The following EYS variants were observed in gnomAD, a reference collection of about 807,000 sequenced individuals.
EYS encodes protein eyes shut homolog.
In EYS, 250 loss-of-function variants were observed where a neutral mutation model predicts 282.1. The observed-to-expected ratio is 0.89, with a 90% confidence interval of 0.80 to 0.98. The LOEUF is 0.98. Ranked by LOEUF, EYS falls within the 50% of genes least tolerant of loss-of-function variation. The probability of loss-of-function intolerance (pLI) is 0.00; values close to 1 mark genes in which losing one functional copy is unlikely to be tolerated. For synonymous variants in EYS, 1,355 were observed against 1,282.9 expected (o/e 1.06, Z -1.20); for missense variants, 4,016 against 3,709.0 (o/e 1.08, Z -2.15).
At chr6:65,528,013 T>A (rs1767633860) in intron 2 of EYS, among the ~76,000 whole-genome samples, 2 of 152,202 alleles carry the variant, frequency 1.3e-5, no homozygotes, top group African/African-American at 4.8e-5. Context: ...ATTAACTGAA[T>A]GGCTGAAAGT....
intron 29 of EYS, among the ~76,000 whole-genome samples, chr6:64,315,819 T>C (rs1382766200): frequency 6.6e-6 from 1 of 151,182 alleles, no homozygotes; most frequent in Non-Finnish European, 1.5e-5. Context: ...AAACCCTCAA[T>C]AAAATGCTGG....
intron 12 of EYS, among the ~76,000 whole-genome samples, chr6:65,271,148 A>ATATATATATATATATATATG (rs1229715204): frequency 7.3e-6 from 1 of 137,026 alleles, no homozygotes; most frequent in East Asian, 2.2e-4. Context: ...ATATATATAT[A>ATATATATATATATATATATG]TATATGAAGA....
intron 12 of EYS, among the ~76,000 whole-genome samples, chr6:65,154,297 A>C (rs1452059588): frequency 5.9e-5 from 9 of 151,904 alleles, no homozygotes; most frequent in African/African-American, 2.2e-4. Context: ...AAAAGTAGAA[A>C]AAATTTCAAA....
chr6:64,993,110 T>C (rs1359088971), intron 14 of EYS, among the ~76,000 whole-genome samples: 1 of 152,072 alleles, frequency 6.6e-6, no homozygotes, highest in African/African-American at 2.4e-5. Flanking sequence ...GCAAAGGCTG[T>C]TCCCCATTAA....
At position 64,091,617 on chromosome 6, in the gene EYS, C is replaced by T. The variant is rs761026799; in HGVS notation, c.6425-9615G>A. Among the ~76,000 whole-genome samples, 6 of 152,240 alleles carry T rather than the reference C, an allele frequency of 3.9e-5. No individual in the cohort carries two copies. The South Asian group carries it at 1.2e-3, about 32-fold the overall frequency. ...TACGTTGATGGTCCCCAGACTTGTT[C>T]CCATCATGGCTGGGTGGATCAGGCA... On this transcript the variant is annotated intron_variant, in intron 31 of 42. Transcript: ENST00000503581.
chr6:65,474,398 C>T (rs1241477957), intron 5 of EYS, among the ~76,000 whole-genome samples: 1 of 152,036 alleles, frequency 6.6e-6, no homozygotes, highest in Non-Finnish European at 1.5e-5. Context: ...TCTTACAGAC[C>T]TTTCTCTACC....
At chr6:65,545,209 C>T (rs1050873299) in intron 2 of EYS, among the ~76,000 whole-genome samples, 4 of 149,820 alleles carry the variant, frequency 2.7e-5, no homozygotes, top group South Asian at 2.1e-4. Context: ...AGGTGCGAGC[C>T]ACTGTTCCTG....
chr6:64,486,816 T>C (rs1451746463), intron 26 of EYS, among the ~76,000 whole-genome samples: 3 of 151,448 alleles, frequency 2.0e-5, no homozygotes, highest in African/African-American at 7.2e-5. Flanking sequence ...GGAAGGCTTT[T>C]AAGAGAGATA....
chr6:65,689,178 G>T lies in EYS; in HGVS notation c.-448+17957C>A, dbSNP rs1769144004. Among the ~76,000 whole-genome samples the T allele has an allele frequency of 1.3e-5, 2 of 149,908 alleles. 1 individual carries two copies. Among genetic ancestry groups the T allele is most frequent in the African/African-American group, 4.9e-5 (2 of 41,068 alleles). On this transcript the variant is annotated intron_variant, in intron 1 of 42. Transcript: ENST00000503581. ...AGAAAATGTGGTACATATTCACCAT[G>T]GAATACTATGCAGCCATAAAAAAGG...
At chr6:64,396,353 G>A (rs1359948955) in intron 28 of EYS, among the ~76,000 whole-genome samples, 1 of 152,030 alleles carries the variant, frequency 6.6e-6, no homozygotes, top group African/African-American at 2.4e-5. Context: ...TCTATGTTCA[G>A]TATATGTGCT....
At chr6:65,153,585 A>G (rs1764667746) in intron 12 of EYS, among the ~76,000 whole-genome samples, 1 of 151,696 alleles carries the variant, frequency 6.6e-6, no homozygotes, top group African/African-American at 2.4e-5. Flanking sequence ...TTTCTTATAA[A>G]CGTTATGCTC....
chr6:64,214,532 C>T (rs1264646486), intron 31 of EYS, among the ~76,000 whole-genome samples: 3 of 152,010 alleles, frequency 2.0e-5, no homozygotes, highest in African/African-American at 7.2e-5. Context: ...GAAATATATG[C>T]AATTATTCAT....
chr6:64,374,690 G>GT (rs1419515808), intron 29 of EYS, among the ~76,000 whole-genome samples: 1 of 152,074 alleles, frequency 6.6e-6, no homozygotes, highest in Admixed American at 6.6e-5. Flanking sequence ...TTTCCTCTAC[G>GT]TGAGAGTGGC....
intron 31 of EYS, among the ~76,000 whole-genome samples, chr6:64,214,699 T>C (rs1361142619): frequency 6.6e-6 from 1 of 152,008 alleles, no homozygotes; most frequent in East Asian, 1.9e-4. Context: ...GACTAAATAT[T>C]ATATATAATA....
At chr6:63,948,445 T>A (rs998771296) in intron 35 of EYS, among the ~76,000 whole-genome samples, 4 of 152,220 alleles carry the variant, frequency 2.6e-5, no homozygotes, top group Admixed American at 2.0e-4. Context: ...CTTTACAATG[T>A]CAGCTGCACT....
At chr6:65,471,942 T>C (rs138210122) in intron 5 of EYS, among the ~76,000 whole-genome samples, 10 of 152,238 alleles carry the variant, frequency 6.6e-5, no homozygotes, top group African/African-American at 2.4e-4. Flanking sequence ...GAAATTTGGT[T>C]AGATTATGCT....
chr6:65,041,629 A>G (rs1772937685), intron 13 of EYS, among the ~76,000 whole-genome samples: 1 of 151,712 alleles, frequency 6.6e-6, no homozygotes, highest in Admixed American at 6.6e-5. Flanking sequence ...TTTTGGTTAA[A>G]AACAGTCCCA....
chr6:65,518,690 C>T (rs1473028485), intron 2 of EYS, among the ~76,000 whole-genome samples: 2 of 152,082 alleles, frequency 1.3e-5, no homozygotes, highest in African/African-American at 4.8e-5. Context: ...GGTTCTCACA[C>T]TGCTAATAAA....
intron 41 of EYS, among the ~76,000 whole-genome samples, chr6:63,727,733 A>ATATATATAT (rs1430421127): frequency 1.8e-5 from 1 of 56,144 alleles, no homozygotes; most frequent in African/African-American, 1.4e-4. Context: ...AAAAAAAAAA[A>ATATATATAT]AAAAATATAT....
Sources: allele counts gnomAD v4.1 joint callset (sites outside exome capture counted in the v4.1 genomes callset), GRCh38; gene constraint gnomAD v4.1.1; transcripts MANE v1.5; gene names NCBI Gene and HGNC (gene_info 2026-07-23, HGNC 2026-07-21).